Variants in DNAH10 observed in about 807,000 individuals in gnomAD.
DNAH10 encodes the protein dynein axonemal heavy chain 10.
In DNAH10, 348 loss-of-function variants were observed where a neutral mutation model predicts 506.6. That is an observed-to-expected ratio of 0.69 (90% CI 0.63 to 0.75). The LOEUF (loss-of-function observed/expected upper bound fraction) is 0.75, where lower values mean the gene tolerates loss of function less well. Among genes scored for constraint, DNAH10 ranks in the 30% least tolerant of loss-of-function variants. DNAH10 has a pLI of 0.00. For missense variants in DNAH10, 5,179 were observed against 5,787.1 expected (o/e 0.89, Z 3.41); for synonymous variants, 2,059 against 2,198.6 (o/e 0.94, Z 1.78).
At chr12:123,927,916 C>T (rs879919719) in intron 69 of DNAH10, 7 of 168,636 alleles carry the variant, frequency 4.2e-5, no homozygotes, top group Admixed American at 3.5e-4. Context: ...TTTCAGAAAG[C>T]AAGGCTTGAT....
chr12:123,924,458 C>A (rs1001937334), intron 67 of DNAH10, 26 bp downstream of exon 67: 4 of 1,603,828 alleles, frequency 2.5e-6, no homozygotes, highest in Middle Eastern at 3.3e-4. Flanking sequence ...CTTTCTCCTC[C>A]TCTCCTTCCC....
In DNAH10 at chr12:123,916,306, G is replaced by A. The variant is rs190207605; in HGVS notation, c.10723-151G>A. On this transcript the variant is annotated intron_variant, in intron 62 of 78. Coordinates refer to ENST00000673944, the MANE Select transcript of DNAH10 (RefSeq NM_001372106.1). The surrounding 1 kb of genome is among the most constrained non-coding windows in gnomAD (Gnocchi z 4.6). ...AGCCTGGACCTCATGGTGTATATGC[G>A]TTATACCCCTTGCTTCTCTCTTCTT... The A allele has an allele frequency of 3.2e-4, 309 of 963,354 alleles. No individual in the cohort carries two copies. In the African/African-American group the frequency reaches 3.7e-3, roughly 11 times the overall value. 59.7% of individuals were successfully genotyped at this position (963,354 alleles called of 1,614,324 possible).
chr12:123,799,498 G>GC (rs1460808975), intron 14 of DNAH10, 127 bp downstream of exon 14: 10 of 1,301,708 alleles, frequency 7.7e-6, no homozygotes, highest in Non-Finnish European at 1.0e-5. Context: ...ACAAGGAAGG[G>GC]CTAGGGGAGG....
Position 123,919,045 on chromosome 12 carries a change from A to G in DNAH10, c.11506+96A>G, listed in dbSNP as rs1773718941. 2 of 1,384,114 alleles carry G rather than the reference A, an allele frequency of 1.4e-6. No individual in the cohort carries two copies. Among genetic ancestry groups the G allele is most frequent in the Admixed American group, 2.4e-5 (1 of 42,044 alleles). The allele number at this position is 1,384,114 out of a possible 1,614,324, so 85.7% of individuals were successfully genotyped here. A position where few individuals can be genotyped will look rare whatever the true frequency, so the allele number is the denominator to read the frequency against. ...GATCTGTGAAAATGGAAAGTTACCA[A>G]ATAGCATTTTTTCTTTTTTCTTTCT... On this transcript the variant is annotated intron_variant, in intron 65 of 78. Transcript: ENST00000673944. This position sits in a 1 kb window ranked among gnomAD's most constrained non-coding sequence, Gnocchi z 4.9.
chr12:123,838,794 GA>G, intron 29 of DNAH10, 105 bp downstream of exon 29: 2 of 1,053,024 alleles, frequency 1.9e-6, no homozygotes, highest in Non-Finnish European at 2.8e-6. Flanking sequence ...GGTTAAGACT[GA>G]AATGCTGCTG....
Position 123,768,993 on chromosome 12 carries a change from C to G in DNAH10, c.298+1304C>G, listed in dbSNP as rs560844593. On this transcript the variant is annotated intron_variant, in intron 2 of 78. Coordinates refer to ENST00000673944, the MANE Select transcript of DNAH10 (RefSeq NM_001372106.1). ...GGCTCAGGCAGTTCTCCCACCTCAG[C>G]CTTCCAAAGTGTTGGGATTACAGGC... is the stretch of plus-strand genomic sequence containing the variant. Among the ~76,000 whole-genome samples, 15 of 152,302 alleles carry G rather than the reference C, an allele frequency of 9.8e-5. No homozygotes were observed. In the East Asian group the frequency reaches 1.9e-3, roughly 20 times the overall value.
At chr12:123,918,538 C>T in intron 64 of DNAH10, 138 bp from the exon 65 acceptor site, 1 of 1,076,322 alleles carries the variant, frequency 9.3e-7, no homozygotes. Flanking sequence ...GGGTGGGTGC[C>T]CTCGCTCCCC....
intron 52 of DNAH10, among the ~76,000 whole-genome samples, chr12:123,892,562 G>C (rs534065532): frequency 6.6e-6 from 1 of 152,206 alleles, no homozygotes; most frequent in African/African-American, 2.4e-5. Context: ...TCAGTGAATC[G>C]GGGAGGAAGC....
rs1330888477 is a variant in DNAH10, at chr12:123,841,304, GC to G, written c.5137-16del. On this transcript the variant is annotated splice_polypyrimidine_tract_variant and intron_variant, in intron 29 of 78. Transcript: ENST00000673944. ...AACTCCGTGCAGGTCTTACAGGGCT[GC>G]CTCTCCCTGTTTGCAGATGTACGAC... is the stretch of plus-strand genomic sequence containing the variant. The G allele has an allele frequency of 6.2e-7, 1 of 1,611,962 alleles. No individual in the cohort carries two copies. The highest frequency in any genetic ancestry group is 8.5e-7 in the Non-Finnish European group (1 of 1,178,170).
At position 123,929,194 on chromosome 12, in the gene DNAH10, C is replaced by T. The variant is rs965122763; in HGVS notation, c.12307-81C>T. 1.4e-4 allele frequency: 192 copies of T among 1,396,998 alleles called. 1 individual carries two copies. The highest frequency in any genetic ancestry group is 1.3e-3 in the African/African-American group (94 of 70,038). 86.5% of individuals were successfully genotyped at this position (1,396,998 alleles called of 1,614,324 possible). On this transcript the variant is annotated intron_variant, in intron 70 of 78. Coordinates refer to ENST00000673944, the MANE Select transcript of DNAH10 (RefSeq NM_001372106.1). The stretch of plus-strand genomic sequence containing the variant: ...ATGGCTCCGTAGAGAGGAAGGAAAG[C>T]GCAGTGCCTGCATTGTGCACACTCT...
At chr12:123,793,491 A>G (rs977609823) in intron 11 of DNAH10, among the ~76,000 whole-genome samples, 17 of 151,398 alleles carry the variant, frequency 1.1e-4, no homozygotes, top group African/African-American at 4.1e-4. Context: ...GGCGCCCACC[A>G]CCATGCCCGG....
chr12:123,918,534 G>T (rs2137545939), intron 64 of DNAH10, 142 bp from the exon 65 acceptor site: 1 of 988,186 alleles, frequency 1.0e-6, no homozygotes, highest in East Asian at 2.7e-5. Context: ...AAGAGGGTGG[G>T]TGCCCTCGCT....
chr12:123,813,510 G>A lies in DNAH10; in HGVS notation c.3491G>A (p.Cys1164Tyr), dbSNP rs756785568. The A allele has an allele frequency of 1.4e-5, 22 of 1,614,208 alleles. No homozygotes were observed. The highest frequency in any genetic ancestry group is 1.9e-5 in the Non-Finnish European group (22 of 1,180,036). Residue 1164 changes from cysteine to tyrosine, a missense_variant, in exon 20 of 79, where the codon TGC (cysteine) becomes TAC (tyrosine). Coordinates refer to ENST00000673944, the MANE Select transcript of DNAH10 (RefSeq NM_001372106.1). ...MRHPLIKDEH[C>Y]IRLQLRHLAN... ...CACCCTCTAATTAAGGATGAGCATT[G>A]CATCAGACTTCAGCTCAGGCATCTG... is the stretch of plus-strand genomic sequence containing the variant.
intron 54 of DNAH10, among the ~76,000 whole-genome samples, chr12:123,895,661 C>T (rs1008185610): frequency 1.3e-5 from 2 of 152,232 alleles, no homozygotes; most frequent in Middle Eastern, 3.4e-3. Flanking sequence ...TCCTTTGGCC[C>T]GTAGTTGGCC....
intron 5 of DNAH10, among the ~76,000 whole-genome samples, chr12:123,776,316 A>G (rs1035010814): frequency 1.3e-5 from 2 of 152,074 alleles, no homozygotes; most frequent in African/African-American, 4.8e-5. Context: ...ACAAGAATAG[A>G]GAGTACCAAG....
rs764025762 is a variant in DNAH10 at position 123,846,121 on chromosome 12, C to A, written c.5781C>A (p.Pro1927=). 1.2e-6 allele frequency: 2 copies of A among 1,613,812 alleles called. No homozygotes were observed. The highest frequency in any genetic ancestry group is 1.7e-6 in the Non-Finnish European group (2 of 1,179,876). Residue 1927 remains proline (P), a synonymous_variant, in exon 32 of 79, where the codon CCC becomes CCA. Transcript: ENST00000673944. The surrounding 1 kb of genome is among the most constrained non-coding windows in gnomAD (Gnocchi z 4.5). ...TGAACGGCAGGCTGGTCATCACGCCCCTCACCGATCGGATTTACCTGACGC... is the reference window on the plus strand; with the variant it reads ...TGAACGGCAGGCTGGTCATCACGCCACTCACCGATCGGATTTACCTGACGC... ...MGLNGRLVIT[P]LTDRIYLTLT...
At chr12:123,792,621 A>C (rs906947912) in intron 11 of DNAH10, among the ~76,000 whole-genome samples, 4 of 151,968 alleles carry the variant, frequency 2.6e-5, no homozygotes, top group African/African-American at 9.7e-5. Context: ...CACCACACCC[A>C]GCTAATTTTT....
intron 24 of DNAH10, among the ~76,000 whole-genome samples, chr12:123,821,027 A>G (rs1359192682): frequency 6.6e-6 from 1 of 152,194 alleles, no homozygotes; most frequent in African/African-American, 2.4e-5. Flanking sequence ...AGGCGGGTGC[A>G]TCACCTGCGG....
At chr12:123,865,136 A>G (rs2136911974) in intron 40 of DNAH10, among the ~76,000 whole-genome samples, 1 of 152,362 alleles carries the variant, frequency 6.6e-6, no homozygotes, top group East Asian at 1.9e-4. Context: ...AGATAGAAAT[A>G]ATTTACTGAA....
Sources: allele counts gnomAD v4.1 joint callset (sites outside exome capture counted in the v4.1 genomes callset), GRCh38; gene constraint gnomAD v4.1.1; non-coding constraint Gnocchi (gnomAD v3.1); transcripts MANE v1.5; gene names NCBI Gene and HGNC (gene_info 2026-07-23, HGNC 2026-07-21).